Variants in ANXA11 observed in about 807,000 individuals in gnomAD.
ANXA11 encodes the protein annexin A11, also known as 56 kDa autoantigen.
A neutral mutation model predicts 64.7 loss-of-function variants in ANXA11; 57 were observed. That is an observed-to-expected ratio of 0.88 (90% confidence interval 0.71 to 1.10). The LOEUF is 1.10. Ranked by LOEUF, ANXA11 falls within the 50% of genes least tolerant of loss-of-function variation. ANXA11 has a pLI of 0.00. For missense variants in ANXA11, 675 were observed against 670.7 expected (o/e 1.01, Z -0.07); for synonymous variants, 260 against 265.2 (o/e 0.98, Z 0.19).
chr10:80,177,600 G>C (rs1846216975), intron 1 of ANXA11, among the ~76,000 whole-genome samples: 1 of 152,106 alleles, frequency 6.6e-6, no homozygotes, highest in African/African-American at 2.4e-5. Flanking sequence ...CAAGACGAAA[G>C]GGACAACGAG....
chr10:80,175,736 T>C (rs1166669287), intron 2 of ANXA11, among the ~76,000 whole-genome samples: 1 of 152,186 alleles, frequency 6.6e-6, no homozygotes, highest in Non-Finnish European at 1.5e-5. Context: ...CCTTCACCAA[T>C]GTGCTGAGGA....
intron 1 of ANXA11, among the ~76,000 whole-genome samples, chr10:80,189,221 G>C (rs1285976980): frequency 1.3e-5 from 2 of 152,140 alleles, no homozygotes; most frequent in Non-Finnish European, 2.9e-5. Flanking sequence ...GGAAGAATAA[G>C]AAGGACAGAG....
At chr10:80,167,148 C>T (rs1410390217) in intron 6 of ANXA11, 78 bp downstream of exon 6, 2 of 1,473,286 alleles carry the variant, frequency 1.4e-6, no homozygotes, top group African/African-American at 2.8e-5. Flanking sequence ...CCAGCTACCC[C>T]AGCCCACAGA....
chr10:80,159,570 T>C (rs954259140), intron 12 of ANXA11, among the ~76,000 whole-genome samples: 5 of 152,196 alleles, frequency 3.3e-5, no homozygotes, highest in Non-Finnish European at 1.5e-5. Context: ...TGGTATTTTG[T>C]CATGGCAGCA....
At chr10:80,156,037 C>T in intron 15 of ANXA11, 125 bp from the exon 16 acceptor site, 1 of 897,602 alleles carries the variant, frequency 1.1e-6, no homozygotes, top group South Asian at 1.5e-5. Flanking sequence ...AATTTTCTCC[C>T]ACTGCAGGTC....
chr10:80,160,841 C>A (rs1352900124), intron 12 of ANXA11, among the ~76,000 whole-genome samples: 2 of 152,152 alleles, frequency 1.3e-5, no homozygotes, highest in African/African-American at 2.4e-5. Flanking sequence ...CTACAGTCCC[C>A]CTGTCTCAGT....
Position 80,166,800 on chromosome 10 carries a change from CG to C in ANXA11, c.744+89del, listed in dbSNP as rs1845757242. ...CTCCTTACTGTCCATCCGGGAGATC[CG>C]GGCCCACCCAAGGAAAAGCAGGGGA... On this transcript the variant is annotated intron_variant, in intron 7 of 15. Transcript: ENST00000422982. 15 of 1,013,182 alleles carry C rather than the reference CG, an allele frequency of 1.5e-5. No individual in the cohort carries two copies. The South Asian group carries it at 2.2e-4, about 15-fold the overall frequency. 62.8% of individuals were successfully genotyped at this position (1,013,182 alleles called of 1,614,324 possible).
Position 80,162,043 on chromosome 10 carries a change from A to G in ANXA11, c.1087-15T>C. On this transcript the variant is annotated splice_polypyrimidine_tract_variant and intron_variant, in intron 11 of 15. Transcript: ENST00000422982. Reference sequence around the variant, plus strand: ...GCATACAGCTCCTGGAGAGAGAGGAAGACGCACATGTGGCACAGGCCACAC... The same window carrying G: ...GCATACAGCTCCTGGAGAGAGAGGAGGACGCACATGTGGCACAGGCCACAC... The G allele has an allele frequency of 2.5e-6, 4 of 1,605,530 alleles. No homozygotes were observed. The highest frequency in any genetic ancestry group is 3.4e-6 in the Non-Finnish European group (4 of 1,176,878).
At chr10:80,200,184 G>C (rs1840358072) in intron 1 of ANXA11, among the ~76,000 whole-genome samples, 1 of 152,180 alleles carries the variant, frequency 6.6e-6, no homozygotes, top group Admixed American at 6.5e-5. Flanking sequence ...GGACAGCCAA[G>C]GACAGGGAGC....
chr10:80,164,218 G>T, intron 8 of ANXA11, 75 bp from the exon 9 acceptor site: 2 of 1,195,312 alleles, frequency 1.7e-6, no homozygotes, highest in Non-Finnish European at 2.5e-6. Context: ...GAAGGGTGGG[G>T]GCTACGCTGC....
At chr10:80,194,228 T>C (rs971860262) in intron 1 of ANXA11, among the ~76,000 whole-genome samples, 4 of 152,132 alleles carry the variant, frequency 2.6e-5, no homozygotes, top group Non-Finnish European at 5.9e-5. Flanking sequence ...TCTTAGTTTT[T>C]TGCAAATGTT....
chr10:80,170,947 G>A, intron 3 of ANXA11, 32 bp from the exon 4 acceptor site: 1 of 1,566,698 alleles, frequency 6.4e-7, no homozygotes, highest in Non-Finnish European at 8.6e-7. Flanking sequence ...TTAGCCCCCT[G>A]CCAGTCCCCC....
chr10:80,159,074 G>T, intron 13 of ANXA11, 26 bp downstream of exon 13: 1 of 1,585,142 alleles, frequency 6.3e-7, no homozygotes, highest in Non-Finnish European at 8.7e-7. Flanking sequence ...CCCCTGGCAG[G>T]TGGGCGGCAA....
intron 1 of ANXA11, among the ~76,000 whole-genome samples, chr10:80,191,479 T>C (rs370386161): frequency 2.0e-5 from 3 of 152,348 alleles, no homozygotes; most frequent in African/African-American, 7.2e-5. Flanking sequence ...GATCCTTCTA[T>C]GGCATTCTCT....
intron 3 of ANXA11, chr10:80,171,934 C>T (rs973002833): frequency 1.1e-5 from 11 of 985,278 alleles, no homozygotes; most frequent in African/African-American, 1.7e-5. Flanking sequence ...CTAACATGCC[C>T]TGGGACAGCA....
chr10:80,156,540 G>A (rs756109983), intron 15 of ANXA11: 3 of 460,070 alleles, frequency 6.5e-6, no homozygotes, highest in South Asian at 4.7e-5. Context: ...TTGAGACGAA[G>A]TCTCACTCTG....
At position 80,163,571 on chromosome 10, in the gene ANXA11, G is replaced by A. The variant is rs1489827350; in HGVS notation, c.992C>T (p.Ser331Leu). The change falls in exon 10 of 16, where the codon TCA becomes TTA. Residue 331 changes from serine (S) to leucine (L), a missense_variant. Physicochemically the swap from Ser to Leu is moderately radical, Grantham distance 145. Coordinates refer to ENST00000422982, the MANE Select transcript of ANXA11 (RefSeq NM_145868.2). ...TLEEAIRSDTSGHFQRLLISL... is the reference protein window; with the variant it reads ...TLEEAIRSDTLGHFQRLLISL... Reference sequence around the variant, plus strand: ...GATGAGGAGCCGCTGGAAGTGCCCTGATGTGTCGCTTCGAATGGCCTCTTC... The same window carrying A: ...GATGAGGAGCCGCTGGAAGTGCCCTAATGTGTCGCTTCGAATGGCCTCTTC... 3 of 1,571,356 alleles carry A rather than the reference G, an allele frequency of 1.9e-6. No homozygotes were observed. Among genetic ancestry groups the A allele is most frequent in the Non-Finnish European group, 2.6e-6 (3 of 1,157,616 alleles).
chr10:80,157,310 C>T (rs1697414093), intron 15 of ANXA11: 1 of 985,282 alleles, frequency 1.0e-6, no homozygotes, highest in South Asian at 4.7e-5. Flanking sequence ...CAGAGCTCCA[C>T]AGAGCCTTTG....
intron 1 of ANXA11, among the ~76,000 whole-genome samples, chr10:80,188,016 G>GT (rs1406700346): frequency 6.6e-6 from 1 of 152,196 alleles, no homozygotes; most frequent in Non-Finnish European, 1.5e-5. Flanking sequence ...TCATTTTGCA[G>GT]TGGGAGGTAA....
Sources: gnomAD v4.1 joint callset for allele counts (sites outside exome capture counted in the v4.1 genomes callset) on GRCh38, gnomAD v4.1.1 for gene constraint, MANE v1.5 for transcripts, NCBI Gene and HGNC (gene_info 2026-07-23, HGNC 2026-07-21) for gene names.